The following SCN9A variants were observed in gnomAD, a reference collection of about 807,000 sequenced individuals.
SCN9A encodes sodium channel protein type 9 subunit alpha.
Under a neutral mutation model 187.0 loss-of-function variants are expected in SCN9A, and 131 were observed. The ratio of observed to expected loss-of-function variants is 0.70; its 90% CI spans 0.61 to 0.81. The LOEUF (loss-of-function observed/expected upper bound fraction) is 0.81, where lower values mean the gene tolerates loss of function less well. SCN9A is among the 30% of genes least tolerant of loss of function. SCN9A has a pLI of 0.00. For missense variants in SCN9A, 2,252 were observed against 2,396.6 expected (o/e 0.94, Z 1.26); for synonymous variants, 809 against 808.6 (o/e 1.00, Z -0.01).
At chr2:166,374,377 A>G (rs1306065942) in intron 1 of SCN9A, among the ~76,000 whole-genome samples, 1 of 152,204 alleles carries the variant, frequency 6.6e-6, no homozygotes, top group East Asian at 1.9e-4. Flanking sequence ...TACATCAAAT[A>G]CCATATTCTG....
chr2:166,307,305 T>C (rs2106528504), intron 2 of SCN9A, among the ~76,000 whole-genome samples: 1 of 152,360 alleles, frequency 6.6e-6, no homozygotes, highest in East Asian at 1.9e-4. Flanking sequence ...TTTGTTAGCA[T>C]GTATTGCTTA....
intron 1 of SCN9A, among the ~76,000 whole-genome samples, chr2:166,371,644 TATA>T: frequency 6.6e-6 from 1 of 152,340 alleles, no homozygotes; most frequent in East Asian, 1.9e-4. Flanking sequence ...TATACAATTT[TATA>T]ATATCTATTT....
At chr2:166,344,359 A>T (rs1699853320) in intron 1 of SCN9A, among the ~76,000 whole-genome samples, 1 of 152,198 alleles carries the variant, frequency 6.6e-6, no homozygotes, top group Admixed American at 6.5e-5. Flanking sequence ...ACTAAAAAAG[A>T]TACCATTAAC....
intron 17 of SCN9A, among the ~76,000 whole-genome samples, chr2:166,258,829 A>G (rs2106437934): frequency 6.6e-6 from 1 of 151,864 alleles, no homozygotes; most frequent in Middle Eastern, 3.4e-3. Flanking sequence ...AAATGTGACA[A>G]TTTAATGTGA....
intron 1 of SCN9A, among the ~76,000 whole-genome samples, chr2:166,326,976 C>A (rs965290666): frequency 5.9e-5 from 9 of 152,084 alleles, no homozygotes; most frequent in Non-Finnish European, 1.3e-4. Flanking sequence ...TATTGTTTAG[C>A]ATTGCAATTA....
At chr2:166,301,794 A>G (rs964764047) in intron 7 of SCN9A, 1 of 151,000 alleles carries the variant, frequency 6.6e-6, no homozygotes, top group Non-Finnish European at 1.5e-5. Context: ...ATAAGTTTCA[A>G]ATCATGTTTG....
chr2:166,301,608 C>T (rs1169719505), intron 7 of SCN9A: 1 of 150,774 alleles, frequency 6.6e-6, no homozygotes, highest in Non-Finnish European at 1.5e-5. Context: ...AAACCATTCA[C>T]AGTATAAACT....
chr2:166,295,409 G>C (rs181728306), intron 7 of SCN9A, among the ~76,000 whole-genome samples: 1 of 152,228 alleles, frequency 6.6e-6, no homozygotes, highest in East Asian at 1.9e-4. Context: ...AACATCCTAG[G>C]GTGCACTTAT....
chr2:166,358,972 C>A (rs1057289947), intron 1 of SCN9A, among the ~76,000 whole-genome samples: 2 of 152,128 alleles, frequency 1.3e-5, no homozygotes, highest in Non-Finnish European at 2.9e-5. Flanking sequence ...TTATTTTTAT[C>A]CACATGACTA....
At chr2:166,362,236 C>T (rs1006919981) in intron 1 of SCN9A, among the ~76,000 whole-genome samples, 1 of 151,938 alleles carries the variant, frequency 6.6e-6, no homozygotes, top group African/African-American at 2.4e-5. Flanking sequence ...TACTAACAAA[C>T]CTTTTGCAAA....
Position 166,199,686 on chromosome 2 carries a change from G to C in SCN9A, c.4953C>G (p.Leu1651=), listed in dbSNP as rs776545037. The part of the protein sequence containing the change: ...LPALFNIGLL[L]FLVMFIYAIF... Reference sequence around the variant, plus strand: ...TGGCGTAGATGAACATGACCAGGAAGAGCAGGAGGCCGATGTTAAACAACG... The same window carrying C: ...TGGCGTAGATGAACATGACCAGGAACAGCAGGAGGCCGATGTTAAACAACG... The change falls in exon 27 of 27, where the codon CTC becomes CTG. Residue 1651 remains leucine, a synonymous_variant. Coordinates refer to ENST00000642356, the MANE Select transcript of SCN9A (RefSeq NM_001365536.1). 1.6e-5 allele frequency: 26 copies of C among 1,614,008 alleles called. No homozygotes were observed. The highest frequency in any genetic ancestry group is 2.1e-5 in the Non-Finnish European group (25 of 1,180,036).
intron 8 of SCN9A, 93 bp from the exon 9 acceptor site, chr2:166,293,465 A>G: frequency 1.9e-6 from 2 of 1,066,524 alleles, no homozygotes; most frequent in East Asian, 2.6e-5. Flanking sequence ...GGTTTCTTCT[A>G]TAGGGGGACA....
intron 24 of SCN9A, among the ~76,000 whole-genome samples, chr2:166,213,635 G>A (rs567256066): frequency 6.6e-5 from 10 of 152,118 alleles, no homozygotes; most frequent in East Asian, 1.9e-4. Flanking sequence ...AGAACACTTC[G>A]AAAGTCATTT....
intron 18 of SCN9A, among the ~76,000 whole-genome samples, chr2:166,248,705 C>T (rs1272014246): frequency 3.3e-5 from 5 of 152,126 alleles, no homozygotes. Context: ...CTTCCTCTGT[C>T]GTCCAGGCTG....
At position 166,306,961 on chromosome 2, in the gene SCN9A, T is replaced by G. The variant is rs1698779267; in HGVS notation, c.372A>C (p.Val124=). ...PLRRISIKIL[V]HSLFSMLIMC... ...AATCATTTTTAAAAGGATATGAGTG[T>G]ACTAAAATCTTAATAGATATTCTTC... is the stretch of plus-strand genomic sequence containing the variant. The change falls in exon 3 of 27, where the codon GTA becomes GTC. Residue 124 remains valine (V), a synonymous_variant. Transcript: ENST00000642356. The G allele has an allele frequency of 6.5e-7, 1 of 1,531,054 alleles. No homozygotes were observed. The highest frequency in any genetic ancestry group is 1.4e-5 in the African/African-American group (1 of 73,246). 94.8% of individuals were successfully genotyped at this position (1,531,054 alleles called of 1,614,324 possible).
At chr2:166,340,356 T>A (rs753073195) in intron 1 of SCN9A, among the ~76,000 whole-genome samples, 4 of 152,184 alleles carry the variant, frequency 2.6e-5, no homozygotes, top group Non-Finnish European at 5.9e-5. Flanking sequence ...GCAAAACTAC[T>A]TTTCACTCAG....
intron 20 of SCN9A, among the ~76,000 whole-genome samples, chr2:166,236,027 TTAAAGA>T (rs1312566572): frequency 6.6e-6 from 1 of 152,100 alleles, no homozygotes. Flanking sequence ...TGATAATATT[TTAAAGA>T]TTTTAAAATA....
intron 24 of SCN9A, 87 bp downstream of exon 24, chr2:166,226,480 T>C: frequency 1.1e-6 from 1 of 889,678 alleles, no homozygotes; most frequent in Non-Finnish European, 1.7e-6. Context: ...AATCATGAAT[T>C]GATATCAAAT....
Position 166,196,223 on chromosome 2 carries a change from A to G in SCN9A, c.*2449T>C, listed in dbSNP as rs1319943041. On this transcript the variant is annotated 3_prime_UTR_variant, in exon 27 of 27. Transcript: ENST00000642356. The stretch of plus-strand genomic sequence containing the variant: ...TCAGTACAAACAGTAATCTACATGG[A>G]AAGAGAGGTCTAATTTTACTTCAAG... 3 of 152,170 alleles carry G rather than the reference A, an allele frequency of 2.0e-5. No individual in the cohort carries two copies. Among genetic ancestry groups the G allele is most frequent in the Non-Finnish European group, 4.4e-5 (3 of 68,022 alleles). The allele number at this position is 152,170 out of a possible 1,614,324, so 9.4% of individuals were successfully genotyped here.
Sources: gnomAD v4.1 joint callset for allele counts (sites outside exome capture counted in the v4.1 genomes callset) on GRCh38, gnomAD v4.1.1 for gene constraint, MANE v1.5 for transcripts, NCBI Gene and HGNC (gene_info 2026-07-23, HGNC 2026-07-21) for gene names.